THUMPD2: variants seen among roughly 807,000 people sequenced by gnomAD.
The protein encoded by THUMPD2 is THUMP domain 2 tRNA and snRNA guanosine methyltransferase.
A neutral mutation model predicts 49.4 loss-of-function variants in THUMPD2; 56 were observed. The observed-to-expected ratio is 1.13, with a 90% CI of 0.91 to 1.41. The LOEUF (loss-of-function observed/expected upper bound fraction) is 1.41. THUMPD2 is among the 40% of genes most tolerant of loss of function. THUMPD2 has a pLI of 0.00. For missense variants in THUMPD2, 709 were observed against 594.5 expected (o/e 1.19, Z -2.00); for synonymous variants, 237 against 205.2 (o/e 1.15, Z -1.32).
At chr2:39,762,310 G>A (rs1676923739) in intron 5 of THUMPD2, among the ~76,000 whole-genome samples, 1 of 152,050 alleles carries the variant, frequency 6.6e-6, no homozygotes, top group Non-Finnish European at 1.5e-5. Context: ...CCCTCCTTAA[G>A]GTTGTTCAAC....
chr2:39,756,698 G>A (rs1449972905), intron 6 of THUMPD2, among the ~76,000 whole-genome samples: 1 of 152,032 alleles, frequency 6.6e-6, no homozygotes, highest in Non-Finnish European at 1.5e-5. Flanking sequence ...ATACCAAGCC[G>A]ATGCCACGTG....
chr2:39,771,404 T>C (rs1678294545), intron 2 of THUMPD2, 101 bp downstream of exon 2: 1 of 1,180,264 alleles, frequency 8.5e-7, no homozygotes, highest in Non-Finnish European at 1.2e-6. Flanking sequence ...CACATGTCAA[T>C]GAATATTAAA....
intron 6 of THUMPD2, among the ~76,000 whole-genome samples, chr2:39,760,279 G>A (rs1049391321): frequency 3.3e-5 from 5 of 152,144 alleles, no homozygotes; most frequent in African/African-American, 4.8e-5. Flanking sequence ...GGAAGTTGGG[G>A]AAAATTGGAG....
chr2:39,777,897 C>G (rs1034594912), intron 1 of THUMPD2, among the ~76,000 whole-genome samples: 73 of 152,182 alleles, frequency 4.8e-4, no homozygotes, highest in African/African-American at 1.7e-3. Context: ...ATTAATTGGG[C>G]CAAGCTCTCT....
At chr2:39,749,780 C>CTG (rs1491349498) in intron 8 of THUMPD2, among the ~76,000 whole-genome samples, 3 of 152,010 alleles carry the variant, frequency 2.0e-5, no homozygotes, top group African/African-American at 7.2e-5. Context: ...TGACAGACCC[C>CTG]TGTGTGTGTT....
chr2:39,779,133 G>C lies in THUMPD2; in HGVS notation c.107C>G (p.Ala36Gly). 2 of 1,516,574 alleles carry C rather than the reference G, an allele frequency of 1.3e-6. No homozygotes were observed. Among genetic ancestry groups the C allele is most frequent in the South Asian group, 2.5e-5 (2 of 81,372 alleles). 93.9% of individuals were successfully genotyped at this position (1,516,574 alleles called of 1,614,324 possible). A position where few individuals can be genotyped will look rare whatever the true frequency, so the allele number is the denominator to read the frequency against. Reference protein sequence around the residue: ...LEPFVMREVRARLAATQVEYI... With the variant: ...LEPFVMREVRGRLAATQVEYI... ...ACTCACCTGCGTGGCCGCCAGCCGC[G>C]CCCGCACCTCTCGCATTACGAACGG... The change falls in exon 1 of 10, where the codon GCG becomes GGG. Residue 36 changes from alanine to glycine, a missense_variant. Coordinates refer to ENST00000505747, the MANE Select transcript of THUMPD2 (RefSeq NM_025264.5).
At chr2:39,752,379 C>T (rs1209643586) in intron 8 of THUMPD2, among the ~76,000 whole-genome samples, 5 of 152,126 alleles carry the variant, frequency 3.3e-5, no homozygotes, top group East Asian at 1.9e-4. Context: ...CTCTTAAAGT[C>T]GGTAAGTGTT....
chr2:39,766,103 T>G lies in THUMPD2; in HGVS notation c.757A>C (p.Ile253Leu), dbSNP rs1399046781. 6.3e-7 allele frequency: 1 copy of G among 1,576,558 alleles called. No individual in the cohort carries two copies. The highest frequency in any genetic ancestry group is 2.0e-5 in the Admixed American group (1 of 50,554). Reference protein sequence around the residue: ...DLRNPQLEIFIHLNDIYSVVG... With the variant: ...DLRNPQLEIFLHLNDIYSVVG... Reference sequence around the variant, plus strand: ...ACAGAGTAAATGTCATTTAGATGTATAAAGATCTGAAAGAACAAACACAGA... The same window carrying G: ...ACAGAGTAAATGTCATTTAGATGTAGAAAGATCTGAAAGAACAAACACAGA... Residue 253 changes from isoleucine (I) to leucine (L), a missense_variant, in exon 5 of 10, where the codon ATA (isoleucine) becomes CTA (leucine). By Grantham distance (5) the Ile-to-Leu change is conservative. Transcript: ENST00000505747.
chr2:39,776,940 T>A (rs1224343578), intron 1 of THUMPD2, among the ~76,000 whole-genome samples: 1 of 152,232 alleles, frequency 6.6e-6, no homozygotes, highest in Non-Finnish European at 1.5e-5. Context: ...CTTATGTTCA[T>A]GAAAATTGGA....
chr2:39,748,948 T>TAGTG (rs371217581), intron 8 of THUMPD2, among the ~76,000 whole-genome samples: 34 of 151,804 alleles, frequency 2.2e-4, no homozygotes, highest in Middle Eastern at 6.8e-3. Context: ...ATCAGACCAC[T>TAGTG]ACACTCTAGC....
chr2:39,742,174 G>A (rs181711373), intron 9 of THUMPD2, among the ~76,000 whole-genome samples: 13 of 152,216 alleles, frequency 8.5e-5, no homozygotes, highest in Admixed American at 8.5e-4. Flanking sequence ...CACACTGCCT[G>A]TATAAAACTT....
chr2:39,758,451 G>C (rs893791889), intron 6 of THUMPD2, among the ~76,000 whole-genome samples: 2 of 152,288 alleles, frequency 1.3e-5, no homozygotes, highest in African/African-American at 4.8e-5. Flanking sequence ...CACAGTCCCA[G>C]AAAAAGGAAC....
At chr2:39,753,638 C>T (rs1251925002) in intron 8 of THUMPD2, among the ~76,000 whole-genome samples, 3 of 152,210 alleles carry the variant, frequency 2.0e-5, no homozygotes, top group African/African-American at 4.8e-5. Flanking sequence ...CCGTCTTCCC[C>T]ATCTCAGTAA....
Position 39,766,078 on chromosome 2 carries a change from A to C in THUMPD2, c.782T>G (p.Val261Gly). The C allele has an allele frequency of 1.3e-6, 2 of 1,587,448 alleles. No individual in the cohort carries two copies. Among genetic ancestry groups the C allele is most frequent in the Non-Finnish European group, 1.7e-6 (2 of 1,170,790 alleles). The change falls in exon 5 of 10, where the codon GTG becomes GGG. Residue 261 changes from valine to glycine, a missense_variant. Transcript: ENST00000505747. ...IFIHLNDIYS[V>G]VGIPVFRVSL... is the part of the protein sequence containing the mutation. ...CTACCTGAACACAGGAATCCCCACCACAGAGTAAATGTCATTTAGATGTAT... is the reference window on the plus strand; with the variant it reads ...CTACCTGAACACAGGAATCCCCACCCCAGAGTAAATGTCATTTAGATGTAT...
intron 5 of THUMPD2, among the ~76,000 whole-genome samples, chr2:39,761,926 A>G (rs1465776867): frequency 6.6e-6 from 1 of 152,114 alleles, no homozygotes; most frequent in Non-Finnish European, 1.5e-5. Flanking sequence ...ATGACATTGC[A>G]TTGTCTAAAA....
intron 5 of THUMPD2, among the ~76,000 whole-genome samples, chr2:39,762,263 T>A (rs1407352005): frequency 6.6e-6 from 1 of 152,178 alleles, no homozygotes; most frequent in Non-Finnish European, 1.5e-5. Context: ...AAAGAGGTCT[T>A]CTACGAACAT....
chr2:39,779,018 G>T, intron 1 of THUMPD2, 96 bp downstream of exon 1: 2 of 1,336,104 alleles, frequency 1.5e-6, no homozygotes, highest in East Asian at 3.1e-5. Context: ...ACAGAGAGGG[G>T]CGCCAGCGAC....
chr2:39,758,518 C>T lies in THUMPD2; in HGVS notation c.892-2558G>A, dbSNP rs72938114. On this transcript the variant is annotated intron_variant, in intron 6 of 9. Transcript: ENST00000505747. Reference sequence around the variant, plus strand: ...AGTGATTAGAGAACAGCAGTGGAACCCAGAGGGGAGAATCAGTGGAATTAG... The same window carrying T: ...AGTGATTAGAGAACAGCAGTGGAACTCAGAGGGGAGAATCAGTGGAATTAG... Among the ~76,000 whole-genome samples the T allele has an allele frequency of 7.9e-3, 1,204 of 152,150 alleles. 19 individuals are homozygous for T. Among genetic ancestry groups the T allele is most frequent in the African/African-American group, 0.028 (1,172 of 41,510 alleles).
Position 39,746,307 on chromosome 2 carries a change from G to T in THUMPD2, c.1079-1829C>A, listed in dbSNP as rs564340989. ...CCTGCTCTCCTTTCCTCTAGCAGTG[G>T]TTCTCAAAGTGTGGTCCCCATAGCA... On this transcript the variant is annotated intron_variant, in intron 8 of 9. Coordinates refer to ENST00000505747, the MANE Select transcript of THUMPD2 (RefSeq NM_025264.5). Among the ~76,000 whole-genome samples the T allele has an allele frequency of 3.5e-4, 54 of 152,244 alleles. 1 individual carries two copies. The South Asian group carries it at 0.011, about 31-fold the overall frequency.
Sources: allele counts gnomAD v4.1 joint callset (sites outside exome capture counted in the v4.1 genomes callset), GRCh38; gene constraint gnomAD v4.1.1; transcripts MANE v1.5; gene names NCBI Gene and HGNC (gene_info 2026-07-23, HGNC 2026-07-21).